RNF121: variants seen among roughly 807,000 people sequenced by gnomAD.
The protein encoded by RNF121 is E3 ubiquitin ligase RNF121.
Under a neutral mutation model 46.5 loss-of-function variants are expected in RNF121, and 21 were observed. The observed-to-expected ratio is 0.45, with a 90% CI of 0.32 to 0.65. The LOEUF is 0.65. Ranked by LOEUF, RNF121 falls within the 30% of genes least tolerant of loss-of-function variation. RNF121 has a pLI of 0.04. For synonymous variants in RNF121, 139 were observed against 144.7 expected, an observed-to-expected ratio of 0.96 and a Z score of 0.28; for missense variants, 346 against 416.0, an observed-to-expected ratio of 0.83 and a Z score of 1.46.
At position 71,986,901 on chromosome 11, in the gene RNF121, C is replaced by G. The variant is rs1954782673; in HGVS notation, c.399-103C>G. Reference sequence around the variant, plus strand: ...TTGCTCAGTAAGTCCTGAGCAAAGACCCTGGTGTCCCCATTGATGTGAGAA... The same window carrying G: ...TTGCTCAGTAAGTCCTGAGCAAAGAGCCTGGTGTCCCCATTGATGTGAGAA... On this transcript the variant is annotated intron_variant, in intron 4 of 8. Transcript: ENST00000361756. 18 of 728,396 alleles carry G rather than the reference C, an allele frequency of 2.5e-5. No homozygotes were observed. The South Asian group carries it at 2.8e-4, about 11-fold the overall frequency. 45.1% of individuals were successfully genotyped at this position (728,396 alleles called of 1,614,324 possible). A position where few individuals can be genotyped will look rare whatever the true frequency, so the allele number is the denominator to read the frequency against.
chr11:71,960,884 C>G lies in RNF121; in HGVS notation c.236C>G (p.Ser79Cys). 6.2e-7 allele frequency: 1 copy of G among 1,613,826 alleles called. No individual in the cohort carries two copies. Among genetic ancestry groups the G allele is most frequent in the Non-Finnish European group, 8.5e-7 (1 of 1,179,872 alleles). Reference protein sequence around the residue: ...LVQWKQRHPRSYNMVTLFQMW... With the variant: ...LVQWKQRHPRCYNMVTLFQMW... ...CAGTGGAAGCAGAGGCACCCACGCTCCTACAATGTAAGCCACTTTGCCTCT... is the reference window on the plus strand; with the variant it reads ...CAGTGGAAGCAGAGGCACCCACGCTGCTACAATGTAAGCCACTTTGCCTCT... Residue 79 changes from serine (S) to cysteine (C), a missense_variant, in exon 3 of 9, where the codon TCC (serine) becomes TGC (cysteine). Transcript: ENST00000361756.
intron 4 of RNF121, among the ~76,000 whole-genome samples, chr11:71,986,769 CAAAAAAAAAAAA>C (rs11315989): frequency 1.4e-5 from 1 of 71,968 alleles, no homozygotes; most frequent in South Asian, 4.6e-4. Context: ...ACTCTCATCT[CAAAAAAAAAAAA>C]AAAAAAAAGA....
At chr11:71,930,432 A>T (rs1002401827) in intron 1 of RNF121, among the ~76,000 whole-genome samples, 1 of 152,120 alleles carries the variant, frequency 6.6e-6, no homozygotes, top group African/African-American at 2.4e-5. Flanking sequence ...GAGGAGTTGG[A>T]TTACCTGATT....
rs542784654 is a variant in RNF121, at chr11:71,972,367, T to TA, written c.244-10387dup. Among the ~76,000 whole-genome samples the TA allele has an allele frequency of 1.8e-3, 276 of 152,314 alleles. 2 individuals carry two copies. Among genetic ancestry groups the TA allele is most frequent in the African/African-American group, 6.3e-3 (262 of 41,580 alleles). On this transcript the variant is annotated intron_variant, in intron 3 of 8. Transcript: ENST00000361756. Reference sequence around the variant, plus strand: ...GTTTGAGATTAGCCATTAGAGCTTTTAAAAAAATGCCTCTTATGGCATTCC... The same window carrying TA: ...GTTTGAGATTAGCCATTAGAGCTTTTAAAAAAAATGCCTCTTATGGCATTCC...
intron 3 of RNF121, among the ~76,000 whole-genome samples, chr11:71,977,179 A>G (rs558635107): frequency 5.3e-5 from 8 of 152,252 alleles, no homozygotes; most frequent in African/African-American, 1.9e-4. Context: ...TTCATCCACT[A>G]TATTGCTTTT....
At chr11:71,971,388 A>G (rs1202842815) in intron 3 of RNF121, among the ~76,000 whole-genome samples, 1 of 152,220 alleles carries the variant, frequency 6.6e-6, no homozygotes, top group African/African-American at 2.4e-5. Flanking sequence ...GTCTCAAAAT[A>G]AATAAGTAAA....
chr11:71,987,362 A>C (rs1954791138), intron 5 of RNF121, among the ~76,000 whole-genome samples: 1 of 152,220 alleles, frequency 6.6e-6, no homozygotes. Flanking sequence ...TTAGTGGAAA[A>C]GTCTAGTAAC....
chr11:71,960,912 CTTCT>C (rs1565149869), intron 3 of RNF121, 21 bp downstream of exon 3: 1 of 1,610,664 alleles, frequency 6.2e-7, no homozygotes, highest in Middle Eastern at 1.7e-4. Context: ...TTGCCTCTTA[CTTCT>C]TTGTCTGTCA....
chr11:71,995,363 G>C, intron 7 of RNF121, 87 bp from the exon 8 acceptor site: 1 of 1,037,250 alleles, frequency 9.6e-7, no homozygotes, highest in South Asian at 1.4e-5. Flanking sequence ...GATAAAGAGC[G>C]AAGGCAGGAT....
intron 1 of RNF121, among the ~76,000 whole-genome samples, chr11:71,942,437 A>G (rs1043069855): frequency 1.3e-5 from 2 of 152,038 alleles, no homozygotes; most frequent in African/African-American, 4.8e-5. Flanking sequence ...GGGCTGCTAT[A>G]GTAAAATACC....
chr11:71,964,734 C>T (rs565787005), intron 3 of RNF121, among the ~76,000 whole-genome samples: 1 of 152,322 alleles, frequency 6.6e-6, no homozygotes, highest in African/African-American at 2.4e-5. Flanking sequence ...CTGCCTCAGC[C>T]TCCCAAAGTG....
rs574038839 is a variant in RNF121 at position 71,930,679 on chromosome 11, T to G, written c.63+1555T>G. 3.3e-5 allele frequency among the ~76,000 whole-genome samples: 5 copies of G among 152,268 alleles called. No homozygotes were observed. In the East Asian group the frequency reaches 9.6e-4, roughly 29 times the overall value. ...TCAGTGAGATATATTTGAAGACACT[T>G]TGGAAAGGGTAAATACTGTATTGAA... On this transcript the variant is annotated intron_variant, in intron 1 of 8. Coordinates refer to ENST00000361756, the MANE Select transcript of RNF121 (RefSeq NM_018320.5).
At chr11:71,960,255 G>T (rs991547522) in intron 2 of RNF121, among the ~76,000 whole-genome samples, 1 of 152,198 alleles carries the variant, frequency 6.6e-6, no homozygotes, top group Non-Finnish European at 1.5e-5. Flanking sequence ...CTGGCAGAGA[G>T]GGTGGAATGA....
chr11:71,945,155 T>G (rs533618069), intron 1 of RNF121, among the ~76,000 whole-genome samples: 1 of 151,974 alleles, frequency 6.6e-6, no homozygotes, highest in African/African-American at 2.4e-5. Context: ...ACTTGGCTAA[T>G]TTTTAAATTT....
intron 4 of RNF121, among the ~76,000 whole-genome samples, chr11:71,983,923 C>T (rs1009154810): frequency 1.3e-5 from 2 of 152,212 alleles, no homozygotes; most frequent in Non-Finnish European, 2.9e-5. Flanking sequence ...TTTCTCTGGC[C>T]TTCTGGAGTT....
At chr11:71,946,911 A>G (rs1484320808) in intron 1 of RNF121, among the ~76,000 whole-genome samples, 1 of 118,090 alleles carries the variant, frequency 8.5e-6, no homozygotes, top group Non-Finnish European at 1.6e-5. Flanking sequence ...TCTGTCACCC[A>G]GGCTGGAGTG....
At chr11:71,950,695 C>T (rs1252645157) in intron 1 of RNF121, among the ~76,000 whole-genome samples, 1 of 152,052 alleles carries the variant, frequency 6.6e-6, no homozygotes, top group East Asian at 1.9e-4. Context: ...CTCTGTCTCC[C>T]AGGCTGGAGT....
intron 2 of RNF121, among the ~76,000 whole-genome samples, chr11:71,958,953 C>G (rs1287633249): frequency 6.6e-6 from 1 of 152,200 alleles, no homozygotes; most frequent in Admixed American, 6.5e-5. Flanking sequence ...TTATCTCTTG[C>G]TATCTTTATA....
chr11:71,970,473 C>T (rs7945535), intron 3 of RNF121, among the ~76,000 whole-genome samples: 3,872 of 152,154 alleles, frequency 0.025, 156 homozygotes, highest in African/African-American at 0.089. Flanking sequence ...CAAGCTTGGG[C>T]AATGCAGGGA....
Sources: allele counts gnomAD v4.1 joint callset (sites outside exome capture counted in the v4.1 genomes callset), GRCh38; gene constraint gnomAD v4.1.1; transcripts MANE v1.5; gene names NCBI Gene and HGNC (gene_info 2026-07-23, HGNC 2026-07-21).